MYOCD: variants seen among roughly 807,000 people sequenced by gnomAD.
MYOCD encodes myocardin.
A neutral mutation model predicts 96.1 loss-of-function variants in MYOCD; 32 were observed. The observed-to-expected ratio is 0.33, with a 90% CI of 0.25 to 0.45. The LOEUF (loss-of-function observed/expected upper bound fraction) is 0.45, where lower values mean the gene tolerates loss of function less well. MYOCD is among the 20% of genes least tolerant of loss of function. The probability of loss-of-function intolerance (pLI) is 1.00; values close to 1 mark genes in which losing one functional copy is unlikely to be tolerated. For missense variants in MYOCD, 1,133 were observed against 1,200.6 expected (o/e 0.94, Z 0.83); for synonymous variants, 469 against 469.0 (o/e 1.00, Z 0.00).
Position 12,753,125 on chromosome 17 carries a change from C to T in MYOCD, c.1837C>T (p.His613Tyr), listed in dbSNP as rs1053162204. The T allele has an allele frequency of 2.5e-6, 4 of 1,614,164 alleles. No homozygotes were observed. Among genetic ancestry groups the T allele is most frequent in the Non-Finnish European group, 3.4e-6 (4 of 1,180,022 alleles). ...AAQLQPLGNA[H>Y]CVESSDQTNV... ...TCAACTCCAGCCTCTTGGAAATGCT[C>T]ATTGTGTGGAGTCCTCAGATCAAAC... is the stretch of plus-strand genomic sequence containing the variant. Residue 613 changes from histidine to tyrosine, a missense_variant, in exon 10 of 14, where the codon CAT (histidine) becomes TAT (tyrosine). Transcript: ENST00000425538.
In MYOCD at chr17:12,764,449, C is replaced by G. The variant is rs938384761; in HGVS notation, c.*805C>G. The G allele has an allele frequency of 5.9e-5, 9 of 152,318 alleles. No individual in the cohort carries two copies. Among genetic ancestry groups the G allele is most frequent in the Non-Finnish European group, 1.0e-4 (7 of 68,150 alleles). 9.4% of individuals were successfully genotyped at this position (152,318 alleles called of 1,614,324 possible). Reference sequence around the variant, plus strand: ...GACCTTCTTCCCCCGAAGGAGATGCCACAAGCTCTCCAACACAGCCCCCTT... The same window carrying G: ...GACCTTCTTCCCCCGAAGGAGATGCGACAAGCTCTCCAACACAGCCCCCTT... On this transcript the variant is annotated 3_prime_UTR_variant, in exon 14 of 14. Coordinates refer to ENST00000425538, the MANE Select transcript of MYOCD (RefSeq NM_001146312.3).
rs977529693 is a variant in MYOCD, at chr17:12,752,647, C to T, written c.1359C>T (p.Ser453=). The change falls in exon 10 of 14, where the codon AGC becomes AGT. Residue 453 remains serine, a synonymous_variant. Transcript: ENST00000425538. ...SNGFYHFGST[S]SSPPISPASS... ...GCTTCTACCACTTTGGCAGCACCAG[C>T]TCCAGCCCCCCGATCTCCCCAGCCT... The T allele has an allele frequency of 1.9e-6, 3 of 1,613,904 alleles. No individual in the cohort carries two copies. Among genetic ancestry groups the T allele is most frequent in the African/African-American group, 2.7e-5 (2 of 74,942 alleles).
chr17:12,711,423 A>G (rs1190329427), intron 2 of MYOCD, among the ~76,000 whole-genome samples: 2 of 152,192 alleles, frequency 1.3e-5, no homozygotes, highest in Admixed American at 6.5e-5. Flanking sequence ...CATAGGTCTT[A>G]TGTTTAAAAT....
At chr17:12,697,647 C>T (rs538185017) in intron 1 of MYOCD, among the ~76,000 whole-genome samples, 46 of 151,840 alleles carry the variant, frequency 3.0e-4, no homozygotes, top group African/African-American at 9.4e-4. Flanking sequence ...CCACTGCCAC[C>T]GGCCTAGGTA....
rs1597796335 is a variant in MYOCD at position 12,739,469 on chromosome 17, G to A, written c.717+141G>A. On this transcript the variant is annotated intron_variant, in intron 7 of 13. Coordinates refer to ENST00000425538, the MANE Select transcript of MYOCD (RefSeq NM_001146312.3). ...GGCAGAGGTTCAGCTCACTAGGAGGGTCACAAAACAGGAGATGAGAAATGG... is the reference window on the plus strand; with the variant it reads ...GGCAGAGGTTCAGCTCACTAGGAGGATCACAAAACAGGAGATGAGAAATGG... 27 of 933,730 alleles carry A rather than the reference G, an allele frequency of 2.9e-5. No homozygotes were observed. In the South Asian group the frequency reaches 7.6e-4, roughly 26 times the overall value. The allele number at this position is 933,730 out of a possible 1,614,324, so 57.8% of individuals were successfully genotyped here.
At chr17:12,673,322 C>T (rs900947765) in intron 1 of MYOCD, among the ~76,000 whole-genome samples, 5 of 152,130 alleles carry the variant, frequency 3.3e-5, no homozygotes, top group African/African-American at 1.2e-4. Context: ...CTCCTCAATA[C>T]ATTATATTTT....
intron 1 of MYOCD, among the ~76,000 whole-genome samples, chr17:12,689,934 C>T (rs2030358732): frequency 6.6e-6 from 1 of 152,240 alleles, no homozygotes; most frequent in African/African-American, 2.4e-5. Context: ...AAAACCAAAA[C>T]ATAAATATAT....
rs72311937 is a variant in MYOCD at position 12,685,066 on chromosome 17, CAGGTGGATAACTTG to C, written c.55+18828_55+18841del. Among the ~76,000 whole-genome samples the C allele has an allele frequency of 4.8e-3, 726 of 152,172 alleles. 7 individuals are homozygous for C. Among genetic ancestry groups the C allele is most frequent in the African/African-American group, 0.017 (693 of 41,528 alleles). On this transcript the variant is annotated intron_variant, in intron 1 of 13. Transcript: ENST00000425538. Reference sequence around the variant, plus strand: ...ATCCCAGCACTTTGGAAGACCGAATCAGGTGGATAACTTGAGGTCAGGAGTTCGAGACTAGCCTG... The same window carrying C: ...ATCCCAGCACTTTGGAAGACCGAATCAGGTCAGGAGTTCGAGACTAGCCTG...
intron 5 of MYOCD, among the ~76,000 whole-genome samples, chr17:12,725,884 GT>G (rs2031984801): frequency 6.6e-6 from 1 of 152,008 alleles, no homozygotes; most frequent in Non-Finnish European, 1.5e-5. Context: ...TAGATGTTGA[GT>G]TTTTTTAAAC....
At chr17:12,746,625 G>T (rs993434765) in intron 9 of MYOCD, among the ~76,000 whole-genome samples, 1 of 152,024 alleles carries the variant, frequency 6.6e-6, no homozygotes, top group African/African-American at 2.4e-5. Context: ...GGAGGCTGAG[G>T]CAGGTGGATC....
At position 12,736,237 on chromosome 17, in the gene MYOCD, G is replaced by A. The variant is rs745617618; in HGVS notation, c.492G>A (p.Pro164=). 44 of 1,614,164 alleles carry A rather than the reference G, an allele frequency of 2.7e-5. No individual in the cohort carries two copies. The highest frequency in any genetic ancestry group is 1.7e-4 in the Middle Eastern group (1 of 6,060). The part of the protein sequence containing the change: ...EEDSSSDGLS[P]DQTRSEDPQN... ...ACAGCAGCAGCGATGGGCTTTCTCC[G>A]GATCAGACTCGAAGTGAAGACCCCC... Residue 164 remains proline, a synonymous_variant, in exon 6 of 14, where the codon CCG becomes CCA. Coordinates refer to ENST00000425538, the MANE Select transcript of MYOCD (RefSeq NM_001146312.3).
Position 12,753,256 on chromosome 17 carries a change from C to T in MYOCD, c.1968C>T (p.Asn656=), listed in dbSNP as rs774500869. 14 of 1,614,108 alleles carry T rather than the reference C, an allele frequency of 8.7e-6. No homozygotes were observed. The highest frequency in any genetic ancestry group is 5.0e-5 in the Admixed American group (3 of 60,008). The change falls in exon 10 of 14, where the codon AAC becomes AAT. Residue 656 remains asparagine (N), a synonymous_variant. Transcript: ENST00000425538. ...PQHISLPPSP[N]NPHFLPSSSG... is the part of the protein sequence containing the mutation. ...ACATCAGTTTGCCCCCATCACCCAACAACCCTCACTTTCTGCCCTCATCCT... is the reference window on the plus strand; with the variant it reads ...ACATCAGTTTGCCCCCATCACCCAATAACCCTCACTTTCTGCCCTCATCCT...
chr17:12,675,070 A>C (rs1909935153), intron 1 of MYOCD, among the ~76,000 whole-genome samples: 1 of 152,248 alleles, frequency 6.6e-6, no homozygotes, highest in African/African-American at 2.4e-5. Context: ...TATGAACAAT[A>C]AGATTTAAAG....
intron 1 of MYOCD, among the ~76,000 whole-genome samples, chr17:12,696,275 G>A (rs1022623598): frequency 6.6e-6 from 1 of 151,972 alleles, no homozygotes; most frequent in African/African-American, 2.4e-5. Flanking sequence ...ACTGTGCCCG[G>A]CCCCATTTTA....
chr17:12,756,114 GCGGGAATAGTAGAACTTAAGCT>G (rs2033004722), intron 10 of MYOCD, among the ~76,000 whole-genome samples: 1 of 152,160 alleles, frequency 6.6e-6, no homozygotes, highest in Non-Finnish European at 1.5e-5. Flanking sequence ...GAGGTCCATG[GCGGGAATAGTAGAACTTAAGCT>G]TGCAGAAGTA....
At position 12,692,614 on chromosome 17, in the gene MYOCD, G is replaced by C. The variant is rs141107111; in HGVS notation, c.56-12514G>C. 9.8e-3 allele frequency among the ~76,000 whole-genome samples: 1,499 copies of C among 152,244 alleles called. 25 individuals are homozygous for C. Among genetic ancestry groups the C allele is most frequent in the African/African-American group, 0.034 (1,393 of 41,550 alleles). On this transcript the variant is annotated intron_variant, in intron 1 of 13. Coordinates refer to ENST00000425538, the MANE Select transcript of MYOCD (RefSeq NM_001146312.3). ...TTCTCTTTGACATCAAGAAAGGCCT[G>C]CCCACCAGCAGCGGGCATGTGGCAG... is the stretch of plus-strand genomic sequence containing the variant.
chr17:12,717,232 C>A, intron 3 of MYOCD, 114 bp from the exon 4 acceptor site: 1 of 754,246 alleles, frequency 1.3e-6, no homozygotes, highest in Non-Finnish European at 2.1e-6. Flanking sequence ...ATGTGGGACA[C>A]CAAGAATATT....
At chr17:12,672,570 C>T (rs1025140265) in intron 1 of MYOCD, among the ~76,000 whole-genome samples, 1 of 152,076 alleles carries the variant, frequency 6.6e-6, no homozygotes, top group Non-Finnish European at 1.5e-5. Context: ...ATAAATAAAA[C>T]TGTTTTGTGA....
In MYOCD at chr17:12,753,080, C is replaced by T; in HGVS notation, c.1792C>T (p.Pro598Ser). 1 of 1,614,202 alleles carries T rather than the reference C, an allele frequency of 6.2e-7. No individual in the cohort carries two copies. Among genetic ancestry groups the T allele is most frequent in the South Asian group, 1.1e-5 (1 of 91,088 alleles). Residue 598 changes from proline (P) to serine (S), a missense_variant, in exon 10 of 14, where the codon CCA becomes TCA. Physicochemically the swap from Pro to Ser is moderately conservative, Grantham distance 74. Coordinates refer to ENST00000425538, the MANE Select transcript of MYOCD (RefSeq NM_001146312.3). ...ACAAAGCAGCAGCTCAGAGTGTCAC[C>T]CACCGGCTTGTGAAGCTGCTCAACT... ...KRQSSSSECHPPACEAAQLQP... is the reference protein window; with the variant it reads ...KRQSSSSECHSPACEAAQLQP...
Sources: gnomAD v4.1 joint callset for allele counts (sites outside exome capture counted in the v4.1 genomes callset) on GRCh38, gnomAD v4.1.1 for gene constraint, MANE v1.5 for transcripts, NCBI Gene and HGNC (gene_info 2026-07-23, HGNC 2026-07-21) for gene names.